The following MIER1 variants were observed in gnomAD, a reference collection of about 807,000 sequenced individuals.
The protein encoded by MIER1 is mesoderm induction early response protein 1.
Under a neutral mutation model 75.7 loss-of-function variants are expected in MIER1, and 40 were observed. That is an observed-to-expected ratio of 0.53 (90% CI 0.41 to 0.69). MIER1 has a LOEUF of 0.69. MIER1 is among the 30% of genes least tolerant of loss of function. The pLI is 0.00. For missense variants in MIER1, 574 were observed against 680.2 expected, an observed-to-expected ratio of 0.84 and a Z score of 1.74; for synonymous variants, 213 against 223.4, an observed-to-expected ratio of 0.95 and a Z score of 0.42.
Position 66,958,226 on chromosome 1 carries a change from T to G in MIER1, c.501+6T>G, listed in dbSNP as rs1660556522. On this transcript the variant is annotated splice_donor_region_variant and intron_variant, in intron 5 of 13. Transcript: ENST00000401041. ...GCTGTAGTGGGGAAAATAAAGTAAG[T>G]CTATATACATATATTTAAGATTGTA... is the stretch of plus-strand genomic sequence containing the variant. The G allele has an allele frequency of 6.3e-7, 1 of 1,587,582 alleles. No individual in the cohort carries two copies. Among genetic ancestry groups the G allele is most frequent in the Admixed American group, 1.7e-5 (1 of 58,806 alleles).
intron 2 of MIER1, among the ~76,000 whole-genome samples, chr1:66,927,340 A>G (rs1166860908): frequency 6.6e-6 from 1 of 152,050 alleles, no homozygotes; most frequent in African/African-American, 2.4e-5. Context: ...TTAATCACAA[A>G]CCTCACATAA....
At chr1:66,968,846 G>A (rs770000266) in intron 8 of MIER1, among the ~76,000 whole-genome samples, 1 of 152,184 alleles carries the variant, frequency 6.6e-6, no homozygotes, top group Non-Finnish European at 1.5e-5. Context: ...TTACTGGTAA[G>A]TAGGTCGATC....
At chr1:66,949,963 ATTG>A (rs147109317) in intron 4 of MIER1, among the ~76,000 whole-genome samples, 3,516 of 152,288 alleles carry the variant, frequency 0.023, 131 homozygotes, top group African/African-American at 0.082. Context: ...TTTGATGTGT[ATTG>A]TTACATTTGT....
At chr1:66,936,813 A>G (rs753221941) in intron 2 of MIER1, among the ~76,000 whole-genome samples, 15 of 151,442 alleles carry the variant, frequency 9.9e-5, no homozygotes, top group Non-Finnish European at 1.8e-4. Context: ...ATCCTGGCCA[A>G]CATGTGTGAA....
chr1:66,976,909 A>G (rs1326600012), intron 12 of MIER1, among the ~76,000 whole-genome samples, 187 bp downstream of exon 12: 1 of 152,204 alleles, frequency 6.6e-6, no homozygotes, highest in Non-Finnish European at 1.5e-5. Flanking sequence ...ATCTTCATAA[A>G]TAAGGCATTT....
chr1:66,978,916 T>C (rs1223208201), intron 12 of MIER1, among the ~76,000 whole-genome samples: 1 of 152,252 alleles, frequency 6.6e-6, no homozygotes, highest in Non-Finnish European at 1.5e-5. Context: ...AAGATACTTT[T>C]ATCTGTAACT....
intron 2 of MIER1, among the ~76,000 whole-genome samples, chr1:66,939,494 C>T (rs1655669646): frequency 6.6e-6 from 1 of 152,110 alleles, no homozygotes; most frequent in Admixed American, 6.5e-5. Flanking sequence ...TATTGTTTAT[C>T]TGTAAAGTTA....
In MIER1 at chr1:66,985,814, A is replaced by AT. The variant is rs150870135; in HGVS notation, c.*937dup. On this transcript the variant is annotated 3_prime_UTR_variant, in exon 14 of 14. Transcript: ENST00000401041. Reference sequence around the variant, plus strand: ...TAAAGCATTCATAAAGGATTATAAAATTTTTTTTTTTTTTTTTTTTTTTAA... The same window carrying AT: ...TAAAGCATTCATAAAGGATTATAAAATTTTTTTTTTTTTTTTTTTTTTTTAA... 0.036 allele frequency: 22,834 copies of AT among 625,882 alleles called. 46 individuals carry two copies. The highest frequency in any genetic ancestry group is 0.084 in the South Asian group (1,105 of 13,212). 38.8% of individuals were successfully genotyped at this position (625,882 alleles called of 1,614,324 possible).
At position 66,936,390 on chromosome 1, in the gene MIER1, A is replaced by T. The variant is rs192478401; in HGVS notation, c.169-3638A>T. 6.4e-3 allele frequency among the ~76,000 whole-genome samples: 975 copies of T among 151,942 alleles called. 4 individuals are homozygous for T. The highest frequency in any genetic ancestry group is 0.011 in the Non-Finnish European group (726 of 67,928). On this transcript the variant is annotated intron_variant, in intron 2 of 13. Transcript: ENST00000401041. ...GCCCGCCACCAAATTTTTTATTAAA[A>T]AAAAAAAAAGTTTTTGTATTTTAGT...
chr1:66,925,131 T>C (rs1340481855), intron 1 of MIER1, 36 bp downstream of exon 1: 7 of 1,539,678 alleles, frequency 4.5e-6, no homozygotes, highest in East Asian at 2.5e-5. Context: ...TCTCCCCTTC[T>C]ATTCCAGTTT....
intron 9 of MIER1, 41 bp from the exon 10 acceptor site, chr1:66,971,614 T>C (rs1042480832): frequency 2.0e-6 from 2 of 1,020,654 alleles, no homozygotes; most frequent in African/African-American, 3.3e-5. Context: ...ATTGAACTGT[T>C]TATAGTCCTT....
chr1:66,968,884 T>G (rs1201915153), intron 8 of MIER1, among the ~76,000 whole-genome samples: 2 of 152,220 alleles, frequency 1.3e-5, no homozygotes, highest in East Asian at 3.8e-4. Context: ...TAGTAAACAT[T>G]TGGTGCCTAA....
chr1:66,939,951 A>G, intron 2 of MIER1, 77 bp from the exon 3 acceptor site: 2 of 1,162,514 alleles, frequency 1.7e-6, no homozygotes, highest in Non-Finnish European at 2.6e-6. Flanking sequence ...CATAGTAGTC[A>G]TTGAATAATT....
In MIER1 at chr1:66,967,644, A is replaced by AT. The variant is rs34847834; in HGVS notation, c.773-3150dup. ...ATCCATGAATGTGGAATATCATTCC[A>AT]TTTTTTTTTTTTTTGGTGTCCTCTT... On this transcript the variant is annotated intron_variant, in intron 8 of 13. Transcript: ENST00000401041. Among the ~76,000 whole-genome samples, 1,182 of 142,700 alleles carry AT rather than the reference A, an allele frequency of 8.3e-3. 11 individuals are homozygous for AT. The highest frequency in any genetic ancestry group is 0.022 in the African/African-American group (852 of 38,806). The allele number at this position is 142,700 out of a possible 152,430, so 93.6% of individuals were successfully genotyped here.
intron 2 of MIER1, among the ~76,000 whole-genome samples, chr1:66,935,625 A>G (rs2101128557): frequency 6.6e-6 from 1 of 152,338 alleles, no homozygotes; most frequent in East Asian, 1.9e-4. Context: ...AAGTGGTTAG[A>G]AAATTTCAAC....
At chr1:66,925,136 C>T (rs1271468402) in intron 1 of MIER1, 41 bp downstream of exon 1, 1 of 1,539,688 alleles carries the variant, frequency 6.5e-7, no homozygotes, top group East Asian at 2.5e-5. Flanking sequence ...CCTTCTATTC[C>T]AGTTTGGGAT....
chr1:66,981,688 A>T, intron 12 of MIER1, 91 bp from the exon 13 acceptor site: 1 of 938,878 alleles, frequency 1.1e-6, no homozygotes, highest in Non-Finnish European at 1.6e-6. Context: ...ATATTAGGAT[A>T]TATTTGTTAA....
At chr1:66,930,321 T>G in intron 2 of MIER1, 4 of 1,590,608 alleles carry the variant, frequency 2.5e-6, no homozygotes, top group Non-Finnish European at 2.6e-6. Flanking sequence ...CGTTGCTGAG[T>G]CTCACATCCG....
At chr1:66,926,493 T>C (rs1162783902) in intron 2 of MIER1, among the ~76,000 whole-genome samples, 1 of 152,184 alleles carries the variant, frequency 6.6e-6, no homozygotes, top group African/African-American at 2.4e-5. Flanking sequence ...AAAACTGTTA[T>C]TTGAAGAACC....
Sources: allele counts gnomAD v4.1 joint callset (sites outside exome capture counted in the v4.1 genomes callset), GRCh38; gene constraint gnomAD v4.1.1; transcripts MANE v1.5; gene names NCBI Gene and HGNC (gene_info 2026-07-23, HGNC 2026-07-21).